The following ART3 variants were observed in gnomAD, a reference collection of about 807,000 sequenced individuals.
ART3 encodes the protein ecto-ADP-ribosyltransferase 3.
Under a neutral mutation model 48.5 loss-of-function variants are expected in ART3, and 49 were observed. The observed-to-expected ratio is 1.01, with a 90% CI of 0.80 to 1.28. ART3 has a LOEUF of 1.28. Ranked by LOEUF, ART3 falls within the 50% of genes most tolerant of loss-of-function variation. The pLI is 0.00. For missense variants in ART3, 438 were observed against 454.3 expected (o/e 0.96, Z 0.33); for synonymous variants, 145 against 157.2 (o/e 0.92, Z 0.58).
At chr4:76,068,017 T>C (rs1210457479) in intron 1 of ART3, among the ~76,000 whole-genome samples, 2 of 152,224 alleles carry the variant, frequency 1.3e-5, no homozygotes, top group Admixed American at 6.5e-5. Flanking sequence ...CCTAGTTCTC[T>C]TTCCTCATCA....
chr4:76,081,488 TA>T (rs1203232029), intron 2 of ART3, among the ~76,000 whole-genome samples: 1 of 152,218 alleles, frequency 6.6e-6, no homozygotes, highest in East Asian at 1.9e-4. Context: ...GAAATCTAGC[TA>T]AGATGTTCAA....
chr4:76,081,415 A>G (rs186763880), intron 2 of ART3, among the ~76,000 whole-genome samples: 3 of 152,356 alleles, frequency 2.0e-5, no homozygotes, highest in East Asian at 3.9e-4. Flanking sequence ...ATTATGTGTT[A>G]TAGATCATGA....
At chr4:76,076,295 C>T (rs965383535) in intron 2 of ART3, among the ~76,000 whole-genome samples, 2 of 151,958 alleles carry the variant, frequency 1.3e-5, no homozygotes, top group Non-Finnish European at 2.9e-5. Flanking sequence ...TGAGCCACCG[C>T]GCTTGGCCTG....
intron 1 of ART3, among the ~76,000 whole-genome samples, chr4:76,052,107 C>T (rs1237488662): frequency 2.0e-5 from 3 of 151,824 alleles, no homozygotes; most frequent in South Asian, 2.1e-4. Context: ...GACGGGGTTT[C>T]GCCATGCTCA....
At chr4:76,051,503 C>T (rs1375369359) in intron 1 of ART3, among the ~76,000 whole-genome samples, 2 of 152,106 alleles carry the variant, frequency 1.3e-5, no homozygotes, top group Non-Finnish European at 2.9e-5. Flanking sequence ...AGGAATAATG[C>T]ATGTTTTAAT....
chr4:76,098,429 A>C (rs922851691), intron 4 of ART3, among the ~76,000 whole-genome samples: 8 of 152,178 alleles, frequency 5.3e-5, no homozygotes, highest in African/African-American at 1.9e-4. Context: ...AGAGAGAAAA[A>C]AAGTTCAAAA....
chr4:76,085,560 G>A (rs1341396271), intron 3 of ART3, among the ~76,000 whole-genome samples: 2 of 152,156 alleles, frequency 1.3e-5, no homozygotes, highest in African/African-American at 4.8e-5. Context: ...TGAGAAGGAC[G>A]ATTCTAGTTA....
At chr4:76,038,797 A>T (rs1299923661) in intron 1 of ART3, among the ~76,000 whole-genome samples, 1 of 151,824 alleles carries the variant, frequency 6.6e-6, no homozygotes, top group African/African-American at 2.4e-5. Context: ...ATCTCGACTC[A>T]CCACAGCCTC....
intron 1 of ART3, among the ~76,000 whole-genome samples, chr4:76,066,466 G>A (rs942874875): frequency 6.6e-6 from 1 of 152,098 alleles, no homozygotes; most frequent in African/African-American, 2.4e-5. Context: ...TCTGCTCGCT[G>A]GTCATCCTGA....
intron 1 of ART3, among the ~76,000 whole-genome samples, chr4:76,075,680 G>A (rs897992960): frequency 3.3e-5 from 5 of 151,982 alleles, no homozygotes; most frequent in African/African-American, 4.8e-5. Context: ...TTGTTTCCTC[G>A]TCTGTAGAAT....
chr4:76,110,946 G>A (rs1208627503), intron 11 of ART3, among the ~76,000 whole-genome samples: 8 of 144,476 alleles, frequency 5.5e-5, no homozygotes, highest in Admixed American at 4.1e-4. Flanking sequence ...ATTGTAAAAC[G>A]TTAGTATTTA....
upstream of ART3, among the ~76,000 whole-genome samples, chr4:76,070,315 A>G (rs146139900): frequency 3.3e-4 from 50 of 152,362 alleles, no homozygotes; most frequent in Non-Finnish European, 6.0e-4. Context: ...TCAGTAATGT[A>G]TGAAAGTTTC....
At chr4:76,077,585 T>C (rs1721394007) in intron 2 of ART3, among the ~76,000 whole-genome samples, 1 of 152,210 alleles carries the variant, frequency 6.6e-6, no homozygotes, top group African/African-American at 2.4e-5. Context: ...GGTTATTTGG[T>C]AGCATTACAG....
intron 4 of ART3, among the ~76,000 whole-genome samples, chr4:76,098,174 C>T (rs1646926470): frequency 6.7e-6 from 1 of 148,418 alleles, no homozygotes; most frequent in South Asian, 2.2e-4. Context: ...TTTTAACTTC[C>T]TCGGGGAAAA....
At chr4:76,055,543 C>G (rs1718606344) in intron 1 of ART3, among the ~76,000 whole-genome samples, 1 of 152,172 alleles carries the variant, frequency 6.6e-6, no homozygotes, top group Admixed American at 6.5e-5. Flanking sequence ...GAATTCCTTT[C>G]TGAGATGAAA....
chr4:76,040,907 T>G (rs1222998478), intron 1 of ART3, among the ~76,000 whole-genome samples: 1 of 152,186 alleles, frequency 6.6e-6, no homozygotes, highest in East Asian at 1.9e-4. Flanking sequence ...CTAATGTGGA[T>G]ACTCTCTCCT....
intron 1 of ART3, chr4:76,036,862 G>T: frequency 4.3e-6 from 1 of 231,840 alleles, no homozygotes; most frequent in South Asian, 9.3e-5. Context: ...GAATTTGAGG[G>T]CCTGTTTGAC....
At chr4:76,038,764 C>G (rs1294596770) in intron 1 of ART3, among the ~76,000 whole-genome samples, 1 of 151,738 alleles carries the variant, frequency 6.6e-6, no homozygotes, top group Admixed American at 6.6e-5. Context: ...GCTCTGTAGC[C>G]CAGGCTGGAG....
intron 1 of ART3, among the ~76,000 whole-genome samples, chr4:76,063,377 A>G (rs1719419450): frequency 2.0e-5 from 3 of 152,184 alleles, no homozygotes; most frequent in African/African-American, 7.2e-5. Flanking sequence ...AGTTAAAAGC[A>G]TTGCTGACCA....
Sources: gnomAD v4.1 joint callset for allele counts (sites outside exome capture counted in the v4.1 genomes callset) on GRCh38, gnomAD v4.1.1 for gene constraint, MANE v1.5 for transcripts, NCBI Gene and HGNC (gene_info 2026-07-23, HGNC 2026-07-21) for gene names.